Variants in RERG observed in about 807,000 individuals in gnomAD.
RERG encodes RAS like estrogen regulated growth inhibitor, also known as ras-related and estrogen-regulated growth inhibitor.
RERG carries 25 observed loss-of-function variants against 23.2 expected under a neutral mutation model. The observed-to-expected ratio is 1.08, with a 90% CI of 0.79 to 1.50. The LOEUF is 1.50. Among genes scored for constraint, RERG ranks in the 40% most tolerant of loss-of-function variants. RERG has a pLI of 0.00. For synonymous variants in RERG, 81 were observed against 89.1 expected (o/e 0.91, Z 0.51); for missense variants, 253 against 250.1 (o/e 1.01, Z -0.08).
chr12:15,205,559 A>C (rs2136143975), intron 2 of RERG, among the ~76,000 whole-genome samples: 1 of 152,176 alleles, frequency 6.6e-6, no homozygotes, highest in South Asian at 2.1e-4. Flanking sequence ...GTCAAACTCA[A>C]CATGTGTTGC....
At chr12:15,140,202 C>T (rs1452302061) in intron 2 of RERG, among the ~76,000 whole-genome samples, 2 of 152,058 alleles carry the variant, frequency 1.3e-5, no homozygotes. Flanking sequence ...GGATGAAACC[C>T]TCATGACTGG....
At chr12:15,115,654 G>C (rs1372725817) in intron 3 of RERG, among the ~76,000 whole-genome samples, 1 of 152,052 alleles carries the variant, frequency 6.6e-6, no homozygotes, top group Non-Finnish European at 1.5e-5. Context: ...AATAAACTCA[G>C]AAGTTTCTGT....
rs184270458 is a variant in RERG, at chr12:15,122,733, C to A, written c.62-1614G>T. Among the ~76,000 whole-genome samples the A allele has an allele frequency of 1.1e-3, 161 of 151,858 alleles. 2 individuals carry two copies. Among genetic ancestry groups the A allele is most frequent in the Non-Finnish European group, 5.3e-4 (36 of 67,980 alleles). On this transcript the variant is annotated intron_variant, in intron 2 of 4. Coordinates refer to ENST00000256953, the MANE Select transcript of RERG (RefSeq NM_032918.3). ...TTGTACAATTAGCAACATTAATAAA[C>A]ACCTAACAGCTTGCACGATTTAAAG...
intron 2 of RERG, among the ~76,000 whole-genome samples, chr12:15,182,545 CTTA>C (rs1365121575): frequency 6.6e-6 from 1 of 152,100 alleles, no homozygotes; most frequent in Non-Finnish European, 1.5e-5. Flanking sequence ...AAGTACAGAT[CTTA>C]TTTTTTCTCA....
chr12:15,206,659 G>C (rs558016523), intron 2 of RERG, among the ~76,000 whole-genome samples: 1 of 152,016 alleles, frequency 6.6e-6, no homozygotes, highest in African/African-American at 2.4e-5. Context: ...GTGATCCCGA[G>C]GCATGGTAAA....
intron 2 of RERG, among the ~76,000 whole-genome samples, chr12:15,156,586 G>T (rs914227513): frequency 1.3e-5 from 2 of 152,166 alleles, no homozygotes; most frequent in East Asian, 1.9e-4. Context: ...AATTTGCCCT[G>T]TAGACTTGGG....
chr12:15,174,097 G>T (rs568342074), intron 2 of RERG, among the ~76,000 whole-genome samples: 1 of 151,930 alleles, frequency 6.6e-6, no homozygotes, highest in East Asian at 1.9e-4. Flanking sequence ...CGTTTTGTAA[G>T]GCAGTCTTGA....
At chr12:15,174,770 A>T (rs1252789251) in intron 2 of RERG, among the ~76,000 whole-genome samples, 1 of 151,698 alleles carries the variant, frequency 6.6e-6, no homozygotes, top group African/African-American at 2.4e-5. Flanking sequence ...TTTTCATTTT[A>T]GCTTAATACT....
chr12:15,165,645 G>C (rs1444628325), intron 2 of RERG, among the ~76,000 whole-genome samples: 1 of 152,168 alleles, frequency 6.6e-6, no homozygotes, highest in Non-Finnish European at 1.5e-5. Context: ...AGATGAGCCT[G>C]GTAGGTTAGC....
At chr12:15,212,042 C>CTTTTTTTTTTTTTTTTTTTTTTTTTTTT (rs772353150) in intron 2 of RERG, among the ~76,000 whole-genome samples, 1 of 64,716 alleles carries the variant, frequency 1.5e-5, no homozygotes, top group Non-Finnish European at 3.1e-5. Context: ...CACGAATAAA[C>CTTTTTTTTTTTTTTTTTTTTTTTTTTTT]TTTTTTTTTT....
At position 15,217,563 on chromosome 12, in the gene RERG, G is replaced by C. The variant is rs1591674833; in HGVS notation, c.-74C>G. On this transcript the variant is annotated 5_prime_UTR_variant, in exon 2 of 5. The change creates a new upstream start codon in the 5' untranslated region. Coordinates refer to ENST00000256953, the MANE Select transcript of RERG (RefSeq NM_032918.3). ...TAAATCTTTTTGGTTCCAGTCTTTGGATTCACCATATCATTGTGAATCTTG... is the reference window on the plus strand; with the variant it reads ...TAAATCTTTTTGGTTCCAGTCTTTGCATTCACCATATCATTGTGAATCTTG... 5 of 1,033,132 alleles carry C rather than the reference G, an allele frequency of 4.8e-6. No homozygotes were observed. The highest frequency in any genetic ancestry group is 7.7e-6 in the Non-Finnish European group (5 of 651,672). The allele number at this position is 1,033,132 out of a possible 1,614,324, so 64.0% of individuals were successfully genotyped here.
chr12:15,125,825 C>T (rs150206176), intron 2 of RERG, among the ~76,000 whole-genome samples: 11 of 151,788 alleles, frequency 7.2e-5, no homozygotes, highest in African/African-American at 2.2e-4. Flanking sequence ...TTAGTGTATG[C>T]TCTATTCAGT....
At chr12:15,175,870 T>G (rs1864844151) in intron 2 of RERG, among the ~76,000 whole-genome samples, 1 of 152,148 alleles carries the variant, frequency 6.6e-6, no homozygotes, top group Admixed American at 6.6e-5. Context: ...TGGCTGCTGT[T>G]TTTCATAGCT....
At chr12:15,168,125 T>C (rs1405662207) in intron 2 of RERG, among the ~76,000 whole-genome samples, 1 of 152,224 alleles carries the variant, frequency 6.6e-6, no homozygotes, top group Non-Finnish European at 1.5e-5. Flanking sequence ...TAAAAATGTG[T>C]GCAATTCCCT....
chr12:15,169,167 T>A (rs1430436466), intron 2 of RERG, among the ~76,000 whole-genome samples: 1 of 152,172 alleles, frequency 6.6e-6, no homozygotes. Flanking sequence ...AATAGTAAGT[T>A]CTATAAGAGC....
At chr12:15,169,557 T>G (rs1864747867) in intron 2 of RERG, among the ~76,000 whole-genome samples, 1 of 152,138 alleles carries the variant, frequency 6.6e-6, no homozygotes, top group East Asian at 1.9e-4. Flanking sequence ...TTCCTGGGCC[T>G]CCAGCTTGCA....
intron 1 of RERG, among the ~76,000 whole-genome samples, chr12:15,220,725 C>T (rs2136153721): frequency 1.3e-5 from 2 of 152,268 alleles, no homozygotes; most frequent in Admixed American, 1.3e-4. Flanking sequence ...AGACCCTAGT[C>T]TAGGCCTGGA....
intron 2 of RERG, among the ~76,000 whole-genome samples, chr12:15,213,334 G>A (rs925292429): frequency 1.3e-5 from 2 of 152,294 alleles, no homozygotes; most frequent in Admixed American, 1.3e-4. Context: ...TTAATTACTT[G>A]GAGCTTGTCA....
At position 15,115,839 on chromosome 12, in the gene RERG, G is replaced by A. The variant is rs370692098; in HGVS notation, c.119-4422C>T. The stretch of plus-strand genomic sequence containing the variant: ...AATACAAACTGTAGAATGCAGCTTC[G>A]CCAGCCATATCCTTGCCTTCTACTT... On this transcript the variant is annotated intron_variant, in intron 3 of 4. Transcript: ENST00000256953. Among the ~76,000 whole-genome samples the A allele has an allele frequency of 4.8e-3, 719 of 150,716 alleles. 2 individuals are homozygous for A. The highest frequency in any genetic ancestry group is 7.7e-3 in the Non-Finnish European group (513 of 67,014).
Sources: allele counts gnomAD v4.1 joint callset (sites outside exome capture counted in the v4.1 genomes callset), GRCh38; gene constraint gnomAD v4.1.1; transcripts MANE v1.5; gene names NCBI Gene and HGNC (gene_info 2026-07-23, HGNC 2026-07-21).